SPG7: variants seen among roughly 807,000 people sequenced by gnomAD.
SPG7 encodes SPG7 matrix AAA peptidase subunit, paraplegin, also known as mitochondrial inner membrane m-AAA protease component paraplegin.
Under a neutral mutation model 81.9 loss-of-function variants are expected in SPG7, and 103 were observed. The observed-to-expected ratio is 1.26, with a 90% confidence interval of 1.07 to 1.48. SPG7 has a LOEUF of 1.48. Ranked by LOEUF, SPG7 falls within the 40% of genes most tolerant of loss-of-function variation. The probability of loss-of-function intolerance (pLI) is 0.00; values close to 1 mark genes in which losing one functional copy is unlikely to be tolerated. For synonymous variants in SPG7, 534 were observed against 444.2 expected, an observed-to-expected ratio of 1.20 and a Z score of -2.54; for missense variants, 1,241 against 1,087.3, an observed-to-expected ratio of 1.14 and a Z score of -1.99.
intron 3 of SPG7, chr16:89,523,644 C>A (rs755953596): frequency 2.6e-5 from 12 of 461,846 alleles, no homozygotes; most frequent in African/African-American, 2.2e-4. Flanking sequence ...CACAGTGGCG[C>A]GATCACGGCT....
In SPG7 at chr16:89,553,083, G is replaced by A. The variant is rs1567933638; in HGVS notation, c.1884G>A (p.Met628Ile). The A allele has an allele frequency of 1.2e-6, 2 of 1,613,632 alleles. No homozygotes were observed. Among genetic ancestry groups the A allele is most frequent in the Non-Finnish European group, 8.5e-7 (1 of 1,179,820 alleles). The part of the protein sequence containing the change: ...TKEQLFERMC[M>I]ALGGRASEAL... ...AGCAGCTGTTTGAGCGGATGTGCATGGCCCTGGGAGGACGGGCCTCGGAAG... is the reference window on the plus strand; with the variant it reads ...AGCAGCTGTTTGAGCGGATGTGCATAGCCCTGGGAGGACGGGCCTCGGAAG... Residue 628 changes from methionine to isoleucine, a missense_variant, in exon 14 of 17, where the codon ATG becomes ATA. Coordinates refer to ENST00000645818, the MANE Select transcript of SPG7 (RefSeq NM_003119.4).
intron 5 of SPG7, among the ~76,000 whole-genome samples, chr16:89,528,112 C>T (rs767550226): frequency 6.0e-5 from 9 of 149,010 alleles, no homozygotes; most frequent in Middle Eastern, 4.0e-3. Context: ...AGGTTTGGGC[C>T]GGGCGCGGTG....
chr16:89,543,697 A>AGGCT (rs1322291561), intron 9 of SPG7: 2 of 133,754 alleles, frequency 1.5e-5, no homozygotes, highest in Non-Finnish European at 3.1e-5. Flanking sequence ...CCTGTAGCCC[A>AGGCT]GGCTGGAGTG....
In SPG7 at chr16:89,537,845, T is replaced by A. The variant is rs572327817; in HGVS notation, c.1324+5209T>A. 83 of 877,564 alleles carry A rather than the reference T, an allele frequency of 9.5e-5. No individual in the cohort carries two copies. The African/African-American group carries it at 1.3e-3, about 14-fold the overall frequency. 54.4% of individuals were successfully genotyped at this position (877,564 alleles called of 1,614,324 possible). On this transcript the variant is annotated intron_variant, in intron 9 of 16. Transcript: ENST00000645818. ...GTGTGACCCGGGACACCCCTACCTT[T>A]GTCCTTAATGTGGCAGTAAATGTAT...
Position 89,554,560 on chromosome 16 carries a change from G to A in SPG7, c.2178G>A (p.Gln726=), listed in dbSNP as rs1175352443. ...KVLQDNLDKL[Q]ALANALLEKE... Reference sequence around the variant, plus strand: ...TGCAGGACAACCTGGACAAGTTGCAGGCGGTGAGGCCCTGGCCAGGCGTGG... The same window carrying A: ...TGCAGGACAACCTGGACAAGTTGCAAGCGGTGAGGCCCTGGCCAGGCGTGG... The change falls in exon 16 of 17, where the codon CAG becomes CAA. Residue 726 remains glutamine, a synonymous_variant. Coordinates refer to ENST00000645818, the MANE Select transcript of SPG7 (RefSeq NM_003119.4). The A allele has an allele frequency of 4.4e-6, 7 of 1,607,656 alleles. No homozygotes were observed. In the Admixed American group the frequency reaches 6.7e-5, roughly 15 times the overall value.
intron 3 of SPG7, chr16:89,522,951 C>T (rs1215614307): frequency 1.3e-5 from 2 of 152,772 alleles, no homozygotes; most frequent in African/African-American, 2.4e-5. Context: ...TGAGTGAGCG[C>T]CCGCTGCTCC....
chr16:89,551,806 G>T (rs1481598839), intron 13 of SPG7: 1 of 152,048 alleles, frequency 6.6e-6, no homozygotes, highest in African/African-American at 2.4e-5. Flanking sequence ...CACAAGAATC[G>T]CTTAAACCCG....
At chr16:89,528,058 G>A (rs2058516420) in intron 5 of SPG7, among the ~76,000 whole-genome samples, 1 of 152,154 alleles carries the variant, frequency 6.6e-6, no homozygotes, top group African/African-American at 2.4e-5. Context: ...GTTGGGGCAG[G>A]CCCATTCTCG....
At chr16:89,543,037 C>CTGAAA (rs2058516499) in intron 9 of SPG7, 1 of 144,638 alleles carries the variant, frequency 6.9e-6, no homozygotes, top group African/African-American at 2.5e-5. Context: ...AAGCTCCACC[C>CTGAAA]TTCAGGTTCA....
chr16:89,511,005 G>GT (rs1014911212), intron 2 of SPG7, among the ~76,000 whole-genome samples: 7 of 152,062 alleles, frequency 4.6e-5, no homozygotes, highest in African/African-American at 1.7e-4. Flanking sequence ...GCTAATTTTT[G>GT]GGGGGTATTT....
chr16:89,546,133 C>G lies in SPG7; in HGVS notation c.1450-525C>G, dbSNP rs1387987256. ...AGACAGTCTCACTCTATCCCCCAGG[C>G]TGGAGTGCAGCGGCGCGATCTCGGC... On this transcript the variant is annotated intron_variant, in intron 10 of 16. Transcript: ENST00000645818. 1.0e-5 allele frequency: 3 copies of G among 294,306 alleles called. No individual in the cohort carries two copies. The East Asian group carries it at 3.1e-4, about 30-fold the overall frequency. 18.2% of individuals were successfully genotyped at this position (294,306 alleles called of 1,614,324 possible).
intron 6 of SPG7, 53 bp from the exon 7 acceptor site, chr16:89,530,630 C>A: frequency 9.9e-6 from 16 of 1,612,870 alleles, no homozygotes; most frequent in Admixed American, 3.3e-5. Context: ...TGGCATCGTG[C>A]TGCTGATTTC....
chr16:89,516,116 T>C (rs1006444978), intron 3 of SPG7, among the ~76,000 whole-genome samples: 1 of 152,080 alleles, frequency 6.6e-6, no homozygotes, highest in African/African-American at 2.4e-5. Flanking sequence ...ACCTCACGAA[T>C]AGCTGGGATC....
intron 9 of SPG7, chr16:89,540,751 C>A: frequency 3.3e-6 from 1 of 306,474 alleles, no homozygotes; most frequent in Non-Finnish European, 4.8e-6. Flanking sequence ...CACCATGTGA[C>A]CCCGTGTCCA....
At chr16:89,541,679 C>G (rs1027643378) in intron 9 of SPG7, 1 of 152,240 alleles carries the variant, frequency 6.6e-6, no homozygotes, top group Non-Finnish European at 1.5e-5. Context: ...TGCTGGGGGA[C>G]CAGGGCCAAA....
At chr16:89,531,300 A>T (rs1164500019) in intron 7 of SPG7, 2 of 251,312 alleles carry the variant, frequency 8.0e-6, no homozygotes, top group Admixed American at 9.8e-5. Flanking sequence ...GAGGCAGGGG[A>T]GTGACTGAGC....
At chr16:89,548,919 G>A (rs1036599040) in intron 12 of SPG7, 9 of 453,814 alleles carry the variant, frequency 2.0e-5, no homozygotes, top group African/African-American at 1.2e-4. Flanking sequence ...CTATCCCTGC[G>A]AGAACCGAGT....
At chr16:89,514,858 G>T (rs1407151663) in intron 3 of SPG7, among the ~76,000 whole-genome samples, 1 of 151,474 alleles carries the variant, frequency 6.6e-6, no homozygotes, top group Non-Finnish European at 1.5e-5. Context: ...TCAAACTCCT[G>T]ACCTCAGGTG....
At chr16:89,526,159 C>T (rs1026761701) in intron 4 of SPG7, among the ~76,000 whole-genome samples, 170 bp from the exon 5 acceptor site, 3 of 152,072 alleles carry the variant, frequency 2.0e-5, no homozygotes, top group Non-Finnish European at 2.9e-5. Flanking sequence ...ATGGAAAGAC[C>T]GTAAGTGGAA....
Sources: allele counts gnomAD v4.1 joint callset (sites outside exome capture counted in the v4.1 genomes callset), GRCh38; gene constraint gnomAD v4.1.1; transcripts MANE v1.5; gene names NCBI Gene and HGNC (gene_info 2026-07-23, HGNC 2026-07-21).